DDX23: variants seen among roughly 807,000 people sequenced by gnomAD.
DDX23 encodes probable ATP-dependent RNA helicase DDX23.
In DDX23, 33 loss-of-function variants were observed where a neutral mutation model predicts 102.7. That is an observed-to-expected ratio of 0.32 (90% confidence interval 0.24 to 0.43). The LOEUF (loss-of-function observed/expected upper bound fraction) is 0.43, where lower values mean the gene tolerates loss of function less well. DDX23 is among the 20% of genes least tolerant of loss of function. The pLI, the probability that DDX23 is intolerant of heterozygous loss-of-function variation, is 1.00. For synonymous variants in DDX23, 352 were observed against 376.0 expected (o/e 0.94, Z 0.74); for missense variants, 549 against 1,086.6 (o/e 0.51, Z 6.96).
rs758316577 is a variant in DDX23, at chr12:48,834,500, G to A, written c.1383-3C>T. The A allele has an allele frequency of 1.2e-6, 2 of 1,611,674 alleles. No homozygotes were observed. Among genetic ancestry groups the A allele is most frequent in the African/African-American group, 1.3e-5 (1 of 74,906 alleles). On this transcript the variant is annotated splice_polypyrimidine_tract_variant and splice_region_variant and intron_variant, in intron 11 of 16. Coordinates refer to ENST00000308025, the MANE Select transcript of DDX23 (RefSeq NM_004818.3). ...GGCCTTGGTCTGACTCTTCGATCCTGTGGTAAACAGGGTGCCCCACAGCTT... is the reference window on the plus strand; with the variant it reads ...GGCCTTGGTCTGACTCTTCGATCCTATGGTAAACAGGGTGCCCCACAGCTT...
chr12:48,845,718 C>A lies in DDX23; in HGVS notation c.65G>T (p.Arg22Leu). ...CCGCTCTCTGTCAGGAGTCCGTGAT[C>A]GCTTCCTTTCCTCCTTGGAAGGTGA... ...DASPSKEERK[R>L]SRTPDRERDR... Residue 22 changes from arginine (R) to leucine (L), a missense_variant, in exon 2 of 17, where the codon CGA becomes CTA. Transcript: ENST00000308025. 3.1e-6 allele frequency: 5 copies of A among 1,614,194 alleles called. No homozygotes were observed. Among genetic ancestry groups the A allele is most frequent in the Non-Finnish European group, 4.2e-6 (5 of 1,180,042 alleles).
chr12:48,832,989 CTTTTT>C lies in DDX23; in HGVS notation c.1803+283_1803+287del, dbSNP rs995189583. The C allele has an allele frequency of 2.2e-5, 10 of 462,062 alleles. No individual in the cohort carries two copies. Among genetic ancestry groups the C allele is most frequent in the Non-Finnish European group, 3.1e-5 (8 of 258,026 alleles). 28.6% of individuals were successfully genotyped at this position (462,062 alleles called of 1,614,324 possible). A position where few individuals can be genotyped will look rare whatever the true frequency, so the allele number is the denominator to read the frequency against. On this transcript the variant is annotated intron_variant, in intron 13 of 16. Coordinates refer to ENST00000308025, the MANE Select transcript of DDX23 (RefSeq NM_004818.3). This position sits in a 1 kb window ranked among gnomAD's most constrained non-coding sequence, Gnocchi z 4.4. ...AGGTTGGCAACCTTGTACAACTTTT[CTTTTT>C]TTTTGAGACAGGGCCTCACTCTGTT... is the stretch of plus-strand genomic sequence containing the variant.
intron 11 of DDX23, chr12:48,834,708 C>T (rs1275910262): frequency 1.1e-5 from 5 of 446,486 alleles, no homozygotes; most frequent in Non-Finnish European, 2.0e-5. Context: ...CTGAGGCAGG[C>T]GGATCACCTG....
At chr12:48,840,530 G>T (rs1358139412) in intron 3 of DDX23, among the ~76,000 whole-genome samples, 1 of 151,138 alleles carries the variant, frequency 6.6e-6, no homozygotes, top group Non-Finnish European at 1.5e-5. Flanking sequence ...AATTAGCCAG[G>T]TGTGGTTGTT....
chr12:48,830,693 C>G lies in DDX23; in HGVS notation c.2240-1G>C. 6.2e-7 allele frequency: 1 copy of G among 1,602,338 alleles called. No homozygotes were observed. The highest frequency in any genetic ancestry group is 2.2e-5 in the East Asian group (1 of 44,826). On this transcript the variant is annotated splice_acceptor_variant, in intron 16 of 16. Coordinates refer to ENST00000308025, the MANE Select transcript of DDX23 (RefSeq NM_004818.3). LOFTEE classifies it high-confidence loss of function. This position sits in a 1 kb window ranked among gnomAD's most constrained non-coding sequence, Gnocchi z 4.9. ...GTGCGGCCAATGCGGTGGATGTAAT[C>G]TGGGGAATGGGAAGAACGTCACTCA...
Position 48,830,832 on chromosome 12 carries a change from C to T in DDX23, c.2240-140G>A, listed in dbSNP as rs1938375475. ...GCACATGCTGCCTGAACCTGAGGCG[C>T]CCACAGTGCCCTCTCCAGGTGCCCA... On this transcript the variant is annotated intron_variant, in intron 16 of 16. Transcript: ENST00000308025. This position sits in a 1 kb window ranked among gnomAD's most constrained non-coding sequence, Gnocchi z 4.9. 1 of 879,416 alleles carries T rather than the reference C, an allele frequency of 1.1e-6. No homozygotes were observed. Among genetic ancestry groups the T allele is most frequent in the Non-Finnish European group, 1.7e-6 (1 of 585,326 alleles). The allele number at this position is 879,416 out of a possible 1,614,324, so 54.5% of individuals were successfully genotyped here.
At chr12:48,833,640 G>A (rs923046671) in intron 12 of DDX23, 121 bp from the exon 13 acceptor site, 15 of 1,296,826 alleles carry the variant, frequency 1.2e-5, no homozygotes, top group Non-Finnish European at 1.6e-5. Context: ...CCCAACCTCT[G>A]GTTATGTTTA....
Position 48,836,460 on chromosome 12 carries a change from T to C in DDX23, c.1236+109A>G. ...CAGAAAGTGACAGAAAAGGTCACAT[T>C]GGTGCCCACTAGCAGCGATGGCTCC... On this transcript the variant is annotated intron_variant, in intron 10 of 16. Transcript: ENST00000308025. This position sits in a 1 kb window ranked among gnomAD's most constrained non-coding sequence, Gnocchi z 6.1. 1 of 1,279,028 alleles carries C rather than the reference T, an allele frequency of 7.8e-7. No homozygotes were observed. The highest frequency in any genetic ancestry group is 1.1e-6 in the Non-Finnish European group (1 of 904,898). The allele number at this position is 1,279,028 out of a possible 1,614,324, so 79.2% of individuals were successfully genotyped here. A position where few individuals can be genotyped will look rare whatever the true frequency, so the allele number is the denominator to read the frequency against.
chr12:48,847,843 CACTT>C (rs773098648), intron 1 of DDX23, among the ~76,000 whole-genome samples: 2 of 151,930 alleles, frequency 1.3e-5, no homozygotes, highest in Non-Finnish European at 2.9e-5. Flanking sequence ...ATAAAAAAAA[CACTT>C]ACAGCCCTAA....
chr12:48,835,542 T>C (rs1453978796), intron 11 of DDX23, among the ~76,000 whole-genome samples: 1 of 152,076 alleles, frequency 6.6e-6, no homozygotes, highest in Admixed American at 6.6e-5. Flanking sequence ...ACCCCGTCTC[T>C]ACTAAAAATA....
At chr12:48,831,367 C>A in intron 15 of DDX23, 51 bp from the exon 16 acceptor site, 1 of 1,581,476 alleles carries the variant, frequency 6.3e-7, no homozygotes, top group Non-Finnish European at 8.7e-7. Flanking sequence ...CAAGGAGAGA[C>A]ACAGGAGTTC....
Position 48,840,006 on chromosome 12 carries a change from C to T in DDX23, c.414+7G>A, listed in dbSNP as rs1359621209. On this transcript the variant is annotated splice_region_variant and intron_variant, in intron 4 of 16. Coordinates refer to ENST00000308025, the MANE Select transcript of DDX23 (RefSeq NM_004818.3). ...TGAAGATGAAAAATATCCTTCCTCTCCTTTACCTTAGGCTTCTTATCACCA... is the reference window on the plus strand; with the variant it reads ...TGAAGATGAAAAATATCCTTCCTCTTCTTTACCTTAGGCTTCTTATCACCA... The T allele has an allele frequency of 6.2e-7, 1 of 1,613,542 alleles. No homozygotes were observed. Among genetic ancestry groups the T allele is most frequent in the Non-Finnish European group, 8.5e-7 (1 of 1,179,440 alleles).
intron 1 of DDX23, among the ~76,000 whole-genome samples, chr12:48,848,898 C>T (rs1303926637): frequency 6.6e-6 from 1 of 151,972 alleles, no homozygotes; most frequent in Non-Finnish European, 1.5e-5. Flanking sequence ...ATTACAGGCG[C>T]GTGCCACACC....
At chr12:48,848,533 C>T (rs1435651528) in intron 1 of DDX23, among the ~76,000 whole-genome samples, 1 of 151,844 alleles carries the variant, frequency 6.6e-6, no homozygotes, top group Non-Finnish European at 1.5e-5. Flanking sequence ...GGTAAAAAAC[C>T]CTTGTTAGAT....
At chr12:48,850,103 T>C (rs2137499540) in intron 1 of DDX23, among the ~76,000 whole-genome samples, 1 of 152,332 alleles carries the variant, frequency 6.6e-6, no homozygotes. Flanking sequence ...CAAGAAAATA[T>C]ATAGCAGAGA....
At position 48,836,965 on chromosome 12, in the gene DDX23, C is replaced by T. The variant is rs1472462695; in HGVS notation, c.939G>A (p.Lys313=). ...FIAGIDLKQQ[K]REQSRFYGDL... is the part of the protein sequence containing the mutation. ...CTCCATAGAAACGTGACTGCTCTCG[C>T]TTCTGCTGCTTGAGGTCAATGCCTG... Residue 313 remains lysine, a synonymous_variant, in exon 9 of 17, where the codon AAG becomes AAA. Coordinates refer to ENST00000308025, the MANE Select transcript of DDX23 (RefSeq NM_004818.3). This position sits in a 1 kb window ranked among gnomAD's most constrained non-coding sequence, Gnocchi z 6.1. 1 of 1,614,064 alleles carries T rather than the reference C, an allele frequency of 6.2e-7. No homozygotes were observed. Among genetic ancestry groups the T allele is most frequent in the Admixed American group, 1.7e-5 (1 of 60,012 alleles).
At chr12:48,837,419 C>T in intron 7 of DDX23, 26 bp from the exon 8 acceptor site, 2 of 1,613,146 alleles carry the variant, frequency 1.2e-6, no homozygotes, top group Non-Finnish European at 1.7e-6. Flanking sequence ...ACACAAAGCA[C>T]ATGAGCTTTG....
intron 1 of DDX23, among the ~76,000 whole-genome samples, chr12:48,850,980 C>A (rs1178748782): frequency 2.6e-5 from 4 of 152,212 alleles, no homozygotes; most frequent in Non-Finnish European, 4.4e-5. Context: ...AATAACCAGG[C>A]TGACTCTGGC....
intron 15 of DDX23, 135 bp from the exon 16 acceptor site, chr12:48,831,451 A>G: frequency 1.2e-6 from 1 of 836,296 alleles, no homozygotes; most frequent in Non-Finnish European, 1.9e-6. Context: ...AAACAAGAGA[A>G]TGATTGCAGT....
Sources: allele counts gnomAD v4.1 joint callset (sites outside exome capture counted in the v4.1 genomes callset), GRCh38; gene constraint gnomAD v4.1.1; non-coding constraint Gnocchi (gnomAD v3.1); transcripts MANE v1.5; gene names NCBI Gene and HGNC (gene_info 2026-07-23, HGNC 2026-07-21).